Variants in HM13 observed in about 807,000 individuals in gnomAD.
The protein encoded by HM13 is signal peptide peptidase.
Under a neutral mutation model 50.0 loss-of-function variants are expected in HM13, and 18 were observed. The observed-to-expected ratio is 0.36, with a 90% CI of 0.25 to 0.53. The LOEUF (loss-of-function observed/expected upper bound fraction) is 0.53, where lower values mean the gene tolerates loss of function less well. Among genes scored for constraint, HM13 ranks in the 20% least tolerant of loss-of-function variants. The probability of loss-of-function intolerance (pLI) is 0.90; values close to 1 mark genes in which losing one functional copy is unlikely to be tolerated. For synonymous variants in HM13, 197 were observed against 232.6 expected (o/e 0.85, Z 1.39); for missense variants, 393 against 552.4 (o/e 0.71, Z 2.89).
At chr20:31,550,270 T>C (rs1983971924) in intron 7 of HM13, 149 bp downstream of exon 7, 3 of 664,100 alleles carry the variant, frequency 4.5e-6, no homozygotes, top group Non-Finnish European at 2.7e-6. Context: ...TTATCCTCAA[T>C]TGATTCATCT....
chr20:31,520,331 G>A (rs1982075562), intron 1 of HM13, among the ~76,000 whole-genome samples: 1 of 151,706 alleles, frequency 6.6e-6, no homozygotes, highest in African/African-American at 2.4e-5. Flanking sequence ...ATTTGTTAGA[G>A]TCTCACTCTT....
At chr20:31,566,756 T>C (rs1006495839) in intron 11 of HM13, among the ~76,000 whole-genome samples, 4 of 152,010 alleles carry the variant, frequency 2.6e-5, no homozygotes, top group African/African-American at 9.7e-5. Context: ...TTCATTCACC[T>C]CTGTGGCTTT....
intron 10 of HM13, among the ~76,000 whole-genome samples, chr20:31,563,770 G>C (rs547549925): frequency 1.3e-5 from 2 of 152,128 alleles, no homozygotes; most frequent in East Asian, 1.9e-4. Flanking sequence ...CCAAGGGCTG[G>C]CTTTACGTTA....
At chr20:31,547,943 T>A (rs1320219696) in intron 4 of HM13, 1 of 1,370,302 alleles carries the variant, frequency 7.3e-7, no homozygotes, top group South Asian at 1.2e-5. Flanking sequence ...TGTGTTGGGG[T>A]CATGAAGATG....
chr20:31,523,028 GT>G (rs1982261763), intron 1 of HM13, among the ~76,000 whole-genome samples: 1 of 129,862 alleles, frequency 7.7e-6, no homozygotes, highest in South Asian at 2.1e-4. Context: ...ATAATAGCCT[GT>G]TTGGGGTTTT....
At chr20:31,568,756 G>A (rs1414241137) in intron 12 of HM13, among the ~76,000 whole-genome samples, 1 of 152,192 alleles carries the variant, frequency 6.6e-6, no homozygotes. Flanking sequence ...GCCCTGGGAG[G>A]CAGCCTATCT....
At chr20:31,554,681 CA>C (rs375749810) in intron 7 of HM13, 64 bp from the exon 8 acceptor site, 216,156 of 1,086,920 alleles carry the variant, frequency 0.2, 28 homozygotes, top group South Asian at 0.24. Context: ...GACTCCGTCT[CA>C]AAAAAAAAAA....
At chr20:31,518,022 T>C (rs970950793) in intron 1 of HM13, among the ~76,000 whole-genome samples, 2 of 147,268 alleles carry the variant, frequency 1.4e-5, no homozygotes, top group African/African-American at 2.7e-5. Flanking sequence ...ATAGTACATA[T>C]TTCTCTACAA....
Position 31,532,593 on chromosome 20 carries a change from A to G in HM13, c.282+5011A>G, listed in dbSNP as rs546575832. 3.9e-5 allele frequency among the ~76,000 whole-genome samples: 6 copies of G among 151,990 alleles called. No individual in the cohort carries two copies. The East Asian group carries it at 1.2e-3, about 29-fold the overall frequency. The stretch of plus-strand genomic sequence containing the variant: ...CTCTCTGCCAGAGGCAGCTGCTTTA[A>G]TGCATTTGACTTCTGTCCTTAGATG... On this transcript the variant is annotated intron_variant, in intron 2 of 12. Coordinates refer to ENST00000398174, the MANE Select transcript of HM13 (RefSeq NM_178581.3).
chr20:31,553,194 G>T (rs544814441), intron 7 of HM13, among the ~76,000 whole-genome samples: 1 of 150,660 alleles, frequency 6.6e-6, no homozygotes, highest in East Asian at 2.0e-4. Context: ...TACTCAGGGG[G>T]CTGAGGCAGG....
intron 11 of HM13, 178 bp from the exon 12 acceptor site, chr20:31,567,900 A>G: frequency 1.7e-6 from 1 of 594,986 alleles, no homozygotes; most frequent in Non-Finnish European, 2.9e-6. Flanking sequence ...GTCTAGGTGC[A>G]TCTTTCTTTT....
chr20:31,538,516 T>G, intron 3 of HM13: 2 of 1,403,922 alleles, frequency 1.4e-6, no homozygotes, highest in Non-Finnish European at 1.9e-6. Flanking sequence ...GAAAGTGATT[T>G]GTGAGCAGTA....
At chr20:31,527,625 T>C (rs1332714281) in intron 2 of HM13, 43 bp downstream of exon 2, 9 of 1,295,276 alleles carry the variant, frequency 6.9e-6, no homozygotes, top group African/African-American at 1.5e-5. Flanking sequence ...TCTAAATGAC[T>C]TTATCTTATT....
intron 11 of HM13, 87 bp downstream of exon 11, chr20:31,566,382 C>T (rs750681973): frequency 1.0e-5 from 11 of 1,056,456 alleles, no homozygotes; most frequent in African/African-American, 1.6e-5. Flanking sequence ...ATCTTTACAC[C>T]TCTCCAGGGG....
chr20:31,545,678 T>C (rs1032931236), intron 4 of HM13, among the ~76,000 whole-genome samples: 3 of 152,180 alleles, frequency 2.0e-5, no homozygotes, highest in African/African-American at 7.2e-5. Context: ...GGGTATGGAT[T>C]CAAATGCTGT....
At chr20:31,525,813 T>C (rs1399998688) in intron 1 of HM13, among the ~76,000 whole-genome samples, 1 of 152,052 alleles carries the variant, frequency 6.6e-6, no homozygotes, top group Non-Finnish European at 1.5e-5. Flanking sequence ...CAGTACTATA[T>C]ATCATTGATA....
chr20:31,537,889 C>T (rs1169328459), intron 2 of HM13, among the ~76,000 whole-genome samples: 3 of 152,232 alleles, frequency 2.0e-5, no homozygotes, highest in Non-Finnish European at 2.9e-5. Flanking sequence ...CCTTCAGAAC[C>T]CCTGTGCAGC....
intron 2 of HM13, among the ~76,000 whole-genome samples, chr20:31,531,533 A>T (rs1322345515): frequency 1.3e-5 from 2 of 152,008 alleles, no homozygotes; most frequent in East Asian, 3.9e-4. Context: ...AGTATTTGGG[A>T]CTATAGACGT....
chr20:31,538,545 C>G (rs1983252852), intron 3 of HM13: 13 of 1,377,948 alleles, frequency 9.4e-6, no homozygotes, highest in Non-Finnish European at 1.2e-5. Context: ...TTAGTTGTGA[C>G]AGTACTCAGG....
Sources: gnomAD v4.1 joint callset for allele counts (sites outside exome capture counted in the v4.1 genomes callset) on GRCh38, gnomAD v4.1.1 for gene constraint, MANE v1.5 for transcripts, NCBI Gene and HGNC (gene_info 2026-07-23, HGNC 2026-07-21) for gene names.